Variants in MACROD2 observed in about 807,000 individuals in gnomAD.
The protein encoded by MACROD2 is mono-ADP ribosylhydrolase 2.
In MACROD2, 36 loss-of-function variants were observed where a neutral mutation model predicts 70.4. The observed-to-expected ratio is 0.51, with a 90% CI of 0.39 to 0.68. The LOEUF (loss-of-function observed/expected upper bound fraction) is 0.68. Among genes scored for constraint, MACROD2 ranks in the 30% least tolerant of loss-of-function variants. MACROD2 has a pLI of 0.00. For missense variants in MACROD2, 496 were observed against 538.4 expected (o/e 0.92, Z 0.78); for synonymous variants, 172 against 178.8 (o/e 0.96, Z 0.30).
In MACROD2 at chr20:15,533,780, G is replaced by A. The variant is rs57465741; in HGVS notation, c.645+33933G>A. On this transcript the variant is annotated intron_variant, in intron 8 of 17. Transcript: ENST00000684519. The stretch of plus-strand genomic sequence containing the variant: ...GATAGTGTGGTCCTGGGATGGAGGA[G>A]GGAGGGAACTTGTCTGAGATGTGCC... 6.3e-3 allele frequency among the ~76,000 whole-genome samples: 955 copies of A among 152,280 alleles called. 9 individuals are homozygous for A. Among genetic ancestry groups the A allele is most frequent in the African/African-American group, 0.022 (910 of 41,554 alleles).
intron 5 of MACROD2, among the ~76,000 whole-genome samples, chr20:15,192,081 C>T (rs2076576560): frequency 6.7e-6 from 1 of 149,962 alleles, no homozygotes; most frequent in Non-Finnish European, 1.5e-5. Context: ...TCTCTCTCTC[C>T]ATATATATTA....
chr20:15,156,498 A>G (rs982903644), intron 5 of MACROD2, among the ~76,000 whole-genome samples: 2 of 152,154 alleles, frequency 1.3e-5, no homozygotes, highest in Non-Finnish European at 2.9e-5. Flanking sequence ...GGTATCATGT[A>G]TCCCCTTGAC....
chr20:14,268,012 TAAC>T (rs986853438), intron 3 of MACROD2, among the ~76,000 whole-genome samples: 1 of 152,004 alleles, frequency 6.6e-6, no homozygotes, highest in African/African-American at 2.4e-5. Context: ...GTAACATAAT[TAAC>T]ATTTCTTATT....
At chr20:14,352,922 T>G (rs2083137759) in intron 3 of MACROD2, among the ~76,000 whole-genome samples, 1 of 152,174 alleles carries the variant, frequency 6.6e-6, no homozygotes, top group Non-Finnish European at 1.5e-5. Flanking sequence ...GATAATAAAG[T>G]TGAAATATTA....
intron 4 of MACROD2, among the ~76,000 whole-genome samples, chr20:14,522,845 C>G (rs1460859649): frequency 1.3e-5 from 2 of 152,182 alleles, no homozygotes; most frequent in Non-Finnish European, 1.5e-5. Flanking sequence ...AATAAGGTCA[C>G]TGAGGACAGG....
At chr20:15,165,663 CA>C (rs1161079863) in intron 5 of MACROD2, among the ~76,000 whole-genome samples, 4 of 152,172 alleles carry the variant, frequency 2.6e-5, no homozygotes, top group African/African-American at 9.7e-5. Flanking sequence ...ACCAAACTTT[CA>C]AAATCATTTC....
At chr20:14,066,582 C>T (rs1373020192) in intron 2 of MACROD2, among the ~76,000 whole-genome samples, 1 of 152,062 alleles carries the variant, frequency 6.6e-6, no homozygotes, top group African/African-American at 2.4e-5. Context: ...AAACATATGA[C>T]CTATGTGTGT....
chr20:15,791,727 G>A (rs1173741176), intron 8 of MACROD2, among the ~76,000 whole-genome samples: 4 of 151,978 alleles, frequency 2.6e-5, no homozygotes, highest in African/African-American at 4.8e-5. Flanking sequence ...AACCAGAAAT[G>A]TGAAGGACCC....
At chr20:15,003,995 A>T (rs186882454) in intron 5 of MACROD2, among the ~76,000 whole-genome samples, 50 of 152,146 alleles carry the variant, frequency 3.3e-4, no homozygotes, top group African/African-American at 1.2e-3. Context: ...GTAGATGGAC[A>T]GCTTTGACCT....
intron 3 of MACROD2, among the ~76,000 whole-genome samples, chr20:14,204,006 G>C (rs1280260644): frequency 1.3e-5 from 2 of 152,178 alleles, no homozygotes; most frequent in Admixed American, 6.5e-5. Flanking sequence ...AGCTATGGCA[G>C]CTTAACCCTT....
At chr20:14,735,925 A>G (rs1027640042) in intron 5 of MACROD2, among the ~76,000 whole-genome samples, 6 of 152,166 alleles carry the variant, frequency 3.9e-5, no homozygotes, top group African/African-American at 1.4e-4. Context: ...TGATTCTTCA[A>G]TATGTAAAAT....
At chr20:14,509,824 A>G (rs904140146) in intron 4 of MACROD2, among the ~76,000 whole-genome samples, 8 of 151,974 alleles carry the variant, frequency 5.3e-5, no homozygotes, top group African/African-American at 1.7e-4. Context: ...TGGTATTAAG[A>G]TTCTATAATA....
intron 5 of MACROD2, among the ~76,000 whole-genome samples, chr20:15,021,373 TACGC>T (rs2075182505): frequency 2.7e-5 from 1 of 36,914 alleles, no homozygotes; most frequent in African/African-American, 2.5e-4. Context: ...TGTGTATGCA[TACGC>T]AGTCTTCTGT....
intron 4 of MACROD2, among the ~76,000 whole-genome samples, chr20:14,533,847 C>T (rs934759968): frequency 6.6e-6 from 1 of 152,144 alleles, no homozygotes; most frequent in African/African-American, 2.4e-5. Flanking sequence ...TGTGTTTGGA[C>T]ATTCATTTTT....
intron 5 of MACROD2, among the ~76,000 whole-genome samples, chr20:15,008,552 T>G (rs1320285193): frequency 6.6e-6 from 1 of 152,098 alleles, no homozygotes; most frequent in Non-Finnish European, 1.5e-5. Flanking sequence ...TTGAGAAACT[T>G]AAAGTCTACT....
intron 5 of MACROD2, among the ~76,000 whole-genome samples, chr20:14,978,640 A>T (rs1252125281): frequency 1.0e-4 from 1 of 9,774 alleles, no homozygotes; most frequent in Non-Finnish European, 2.3e-4. Context: ...ACCCCACCCC[A>T]TGAAAGGAAG....
chr20:14,890,240 G>C (rs2073737167), intron 5 of MACROD2, among the ~76,000 whole-genome samples: 1 of 152,024 alleles, frequency 6.6e-6, no homozygotes, highest in Admixed American at 6.6e-5. Context: ...GTAAGTAGGA[G>C]GTATTTCAAG....
At chr20:14,692,986 G>A (rs2071081123) in intron 5 of MACROD2, among the ~76,000 whole-genome samples, 2 of 152,170 alleles carry the variant, frequency 1.3e-5, no homozygotes, top group South Asian at 2.1e-4. Context: ...TACTGGCTGA[G>A]TGTAGAATTA....
intron 5 of MACROD2, among the ~76,000 whole-genome samples, chr20:15,099,164 GA>G (rs942734093): frequency 1.3e-5 from 2 of 152,096 alleles, no homozygotes; most frequent in African/African-American, 2.4e-5. Flanking sequence ...TTGACTGGAG[GA>G]AAAAATGTTA....
Sources: gnomAD v4.1 joint callset for allele counts (sites outside exome capture counted in the v4.1 genomes callset) on GRCh38, gnomAD v4.1.1 for gene constraint, MANE v1.5 for transcripts, NCBI Gene and HGNC (gene_info 2026-07-23, HGNC 2026-07-21) for gene names.